TPM4: variants seen among roughly 807,000 people sequenced by gnomAD.
The protein encoded by TPM4 is tropomyosin alpha-4 chain.
TPM4 carries 17 observed loss-of-function variants against 35.8 expected under a neutral mutation model. That is an observed-to-expected ratio of 0.47 (90% confidence interval 0.32 to 0.71). TPM4 has a LOEUF of 0.71. TPM4 is among the 30% of genes least tolerant of loss of function. TPM4 has a pLI of 0.03. For missense variants in TPM4, 240 were observed against 320.9 expected, an observed-to-expected ratio of 0.75 and a Z score of 1.93; for synonymous variants, 120 against 122.9, an observed-to-expected ratio of 0.98 and a Z score of 0.15.
rs201994489 is a variant in TPM4, at chr19:16,089,556, GAC to G, written c.531+441_531+442del. On this transcript the variant is annotated intron_variant, in intron 5 of 7. Transcript: ENST00000643579. Reference sequence around the variant, plus strand: ...CGTGGCAGCTACGTCGGGAACAAAGGACACACTTCCACGGCCGAACCCCACTG... The same window carrying G: ...CGTGGCAGCTACGTCGGGAACAAAGGACACTTCCACGGCCGAACCCCACTG... Among the ~76,000 whole-genome samples the G allele has an allele frequency of 3.1e-3, 473 of 152,212 alleles. 1 individual carries two copies. Among genetic ancestry groups the G allele is most frequent in the Middle Eastern group, 0.014 (4 of 294 alleles).
At position 16,101,289 on chromosome 19, in the gene TPM4, G is replaced by A. The variant is rs540020627; in HGVS notation, c.690G>A (p.Glu230=). The change falls in exon 8 of 8, where the codon GAG becomes GAA. Residue 230 remains glutamate, a synonymous_variant. Transcript: ENST00000643579. ...AGAAACTTGCCCAGGCCAAAGAAGA[G>A]AACGTGGGCTTACATCAGACACTGG... ...LEEKLAQAKE[E]NVGLHQTLDQ... 14 of 1,608,458 alleles carry A rather than the reference G, an allele frequency of 8.7e-6. No individual in the cohort carries two copies. In the Admixed American group the frequency reaches 1.3e-4, roughly 16 times the overall value.
chr19:16,101,178 A>G, intron 7 of TPM4, 86 bp from the exon 8 acceptor site: 1 of 1,161,216 alleles, frequency 8.6e-7, no homozygotes. Context: ...CTCAAGAAGA[A>G]GAAAAAAAAA....
intron 5 of TPM4, chr19:16,093,021 ATTTTTAAATTCT>A: frequency 6.2e-6 from 1 of 160,690 alleles, no homozygotes; most frequent in Non-Finnish European, 1.3e-5. Flanking sequence ...TGACTGGCTA[ATTTTTAAATTCT>A]TTGTAGAGAC....
chr19:16,067,644 A>T lies in TPM4; in HGVS notation c.20A>T (p.Lys7Ile). Residue 7 changes from lysine (K) to isoleucine (I), a missense_variant, in exon 2 of 3, where the codon AAA becomes ATA. By Grantham distance (102) the Lys-to-Ile change is moderately radical. Transcript: ENST00000589897. The surrounding 1 kb of genome is among the most constrained non-coding windows in gnomAD (Gnocchi z 4.1). ...CCAGCCATGGAGGCCATCAAGAAGAAAATGCAGATGCTGAAGTTGGACAAG... is the reference window on the plus strand; with the variant it reads ...CCAGCCATGGAGGCCATCAAGAAGATAATGCAGATGCTGAAGTTGGACAAG... 2 of 1,613,666 alleles carry T rather than the reference A, an allele frequency of 1.2e-6. No individual in the cohort carries two copies. The highest frequency in any genetic ancestry group is 1.7e-6 in the Non-Finnish European group (2 of 1,179,844).
At chr19:16,093,925 A>G (rs1431760404) in intron 7 of TPM4, among the ~76,000 whole-genome samples, 172 bp downstream of exon 7, 1 of 149,602 alleles carries the variant, frequency 6.7e-6, no homozygotes, top group Admixed American at 6.7e-5. Flanking sequence ...GAATAGGATA[A>G]TGCAAAGCAT....
chr19:16,072,897 A>C (rs1207673446), upstream of TPM4, among the ~76,000 whole-genome samples: 1 of 152,076 alleles, frequency 6.6e-6, no homozygotes, highest in Non-Finnish European at 1.5e-5. Context: ...ACAGAGCAAG[A>C]CTCTGTCTCA....
chr19:16,101,848 G>A lies in TPM4; in HGVS notation c.*502G>A. 1 of 228,414 alleles carries A rather than the reference G, an allele frequency of 4.4e-6. No individual in the cohort carries two copies. The highest frequency in any genetic ancestry group is 8.7e-6 in the Non-Finnish European group (1 of 115,056). 14.1% of individuals were successfully genotyped at this position (228,414 alleles called of 1,614,324 possible). ...ATAAAAGGACTGGTGGGGGCCGGGG[G>A]TGGCTATTGTGGGAAGTCATAACCC... On this transcript the variant is annotated 3_prime_UTR_variant, in exon 8 of 8. Transcript: ENST00000643579.
In TPM4 at chr19:16,089,029, C is replaced by CT; in HGVS notation, c.456-13dup. The CT allele has an allele frequency of 6.2e-7, 1 of 1,613,804 alleles. No individual in the cohort carries two copies. On this transcript the variant is annotated splice_polypyrimidine_tract_variant and intron_variant, in intron 4 of 7. Coordinates refer to ENST00000643579, the MANE Select transcript of TPM4 (RefSeq NM_003290.3). The stretch of plus-strand genomic sequence containing the variant: ...TAAGGGAAGATAAGACACAAAAATC[C>CT]TTTGTCTTTGTGCAGAAAATGTGGT...
Position 16,102,763 on chromosome 19 carries a change from T to G in TPM4, c.*1417T>G. The G allele has an allele frequency of 4.3e-6, 1 of 230,812 alleles. No homozygotes were observed. Among genetic ancestry groups the G allele is most frequent in the Non-Finnish European group, 8.6e-6 (1 of 116,516 alleles). 14.3% of individuals were successfully genotyped at this position (230,812 alleles called of 1,614,324 possible). A position where few individuals can be genotyped will look rare whatever the true frequency, so the allele number is the denominator to read the frequency against. The stretch of plus-strand genomic sequence containing the variant: ...ACATTCCACATTCCCCAGCAGCGTG[T>G]GGGGGCTGACTAAAGTTTACAATTC... On this transcript the variant is annotated 3_prime_UTR_variant, in exon 8 of 8. Transcript: ENST00000643579.
chr19:16,097,063 C>T (rs867543943), intron 7 of TPM4, among the ~76,000 whole-genome samples: 1 of 144,166 alleles, frequency 6.9e-6, no homozygotes, highest in African/African-American at 2.5e-5. Flanking sequence ...AAGTGATTCT[C>T]ATGCCTCAGC....
At chr19:16,086,208 G>A (rs2090549747) in intron 2 of TPM4, among the ~76,000 whole-genome samples, 1 of 151,960 alleles carries the variant, frequency 6.6e-6, no homozygotes, top group South Asian at 2.1e-4. Flanking sequence ...CAATTAGCCA[G>A]ACATGGTGAC....
At chr19:16,088,208 G>A (rs1235599617) in intron 4 of TPM4, 111 bp downstream of exon 4, 14 of 1,455,506 alleles carry the variant, frequency 9.6e-6, no homozygotes, top group Non-Finnish European at 1.3e-5. Context: ...TCAAGTGGAC[G>A]GGCGTCAGGG....
chr19:16,070,810 C>T lies in TPM4; in HGVS notation c.114+3072C>T, dbSNP rs2090349982. ...GTGGCACATTCGTGCAGGCCAAGCC[C>T]CACCCCAGTGTTCCCTGCCACAAGC... On this transcript the variant is annotated intron_variant, in intron 2 of 2. Transcript: ENST00000589897. The surrounding 1 kb of genome is among the most constrained non-coding windows in gnomAD (Gnocchi z 7.4). Among the ~76,000 whole-genome samples the T allele has an allele frequency of 6.6e-6, 1 of 152,166 alleles. No homozygotes were observed. Among genetic ancestry groups the T allele is most frequent in the Non-Finnish European group, 1.5e-5 (1 of 68,014 alleles).
rs148479858 is a variant in TPM4 at position 16,097,196 on chromosome 19, C to T, written c.664+3443C>T. Among the ~76,000 whole-genome samples, 458 of 151,938 alleles carry T rather than the reference C, an allele frequency of 3.0e-3. 1 individual carries two copies. The highest frequency in any genetic ancestry group is 0.011 in the African/African-American group (444 of 41,466). Reference sequence around the variant, plus strand: ...CTGAAACTCCTGGCCTCAACTGATCCGCCCACCTCAGCTTCCAAAAATGCT... The same window carrying T: ...CTGAAACTCCTGGCCTCAACTGATCTGCCCACCTCAGCTTCCAAAAATGCT... On this transcript the variant is annotated intron_variant, in intron 7 of 7. Coordinates refer to ENST00000643579, the MANE Select transcript of TPM4 (RefSeq NM_003290.3).
intron 1 of TPM4, 78 bp from the exon 2 acceptor site, chr19:16,081,835 A>C: frequency 6.9e-7 from 1 of 1,457,532 alleles, no homozygotes; most frequent in Non-Finnish European, 9.2e-7. Flanking sequence ...AGGTTAACAG[A>C]GGGCAGGACA....
chr19:16,102,508 G>A lies in TPM4; in HGVS notation c.*1162G>A, dbSNP rs1488675147. ...AGAGTTTTTATCTATTAGCAGAAAG[G>A]GCCTCTCTGGCAGCAGAGATTAAAA... On this transcript the variant is annotated 3_prime_UTR_variant, in exon 8 of 8. Transcript: ENST00000643579. 8.8e-6 allele frequency: 2 copies of A among 226,006 alleles called. No individual in the cohort carries two copies. The highest frequency in any genetic ancestry group is 1.8e-5 in the Non-Finnish European group (2 of 113,492). 14.0% of individuals were successfully genotyped at this position (226,006 alleles called of 1,614,324 possible).
chr19:16,085,006 C>G (rs1229115029), intron 2 of TPM4, among the ~76,000 whole-genome samples: 1 of 152,112 alleles, frequency 6.6e-6, no homozygotes, highest in Non-Finnish European at 1.5e-5. Context: ...CCTGTAATCC[C>G]AGCCCTTTGG....
chr19:16,084,736 T>G (rs1417481114), intron 2 of TPM4, among the ~76,000 whole-genome samples: 1 of 152,146 alleles, frequency 6.6e-6, no homozygotes. Flanking sequence ...CAAGGGGTTT[T>G]GGGGCAATAA....
rs139318298 is a variant in TPM4 at position 16,097,044 on chromosome 19, C to G, written c.664+3291C>G. Reference sequence around the variant, plus strand: ...TCTTGGCTCACTGCAACCTCCGCCTCCTGGGTTCAAGTGATTCTCATGCCT... The same window carrying G: ...TCTTGGCTCACTGCAACCTCCGCCTGCTGGGTTCAAGTGATTCTCATGCCT... On this transcript the variant is annotated intron_variant, in intron 7 of 7. Transcript: ENST00000643579. 1.0e-4 allele frequency among the ~76,000 whole-genome samples: 15 copies of G among 143,070 alleles called. No homozygotes were observed. The East Asian group carries it at 3.2e-3, about 31-fold the overall frequency. The allele number at this position is 143,070 out of a possible 152,430, so 93.9% of individuals were successfully genotyped here. A position where few individuals can be genotyped will look rare whatever the true frequency, so the allele number is the denominator to read the frequency against.
Sources: gnomAD v4.1 joint callset for allele counts (sites outside exome capture counted in the v4.1 genomes callset) on GRCh38, gnomAD v4.1.1 for gene constraint, Gnocchi (gnomAD v3.1) non-coding constraint, MANE v1.5 for transcripts, NCBI Gene and HGNC (gene_info 2026-07-23, HGNC 2026-07-21) for gene names.